KCNAB1: variants seen among roughly 807,000 people sequenced by gnomAD.
KCNAB1 encodes the protein potassium voltage-gated channel subfamily A regulatory beta subunit 1, also known as voltage-gated potassium channel subunit beta-1.
Under a neutral mutation model 64.6 loss-of-function variants are expected in KCNAB1, and 35 were observed. That is an observed-to-expected ratio of 0.54 (90% CI 0.41 to 0.72). KCNAB1 has a LOEUF of 0.72. Ranked by LOEUF, KCNAB1 falls within the 30% of genes least tolerant of loss-of-function variation. The pLI is 0.00. For missense variants in KCNAB1, 401 were observed against 512.9 expected (o/e 0.78, Z 2.11); for synonymous variants, 177 against 183.8 (o/e 0.96, Z 0.30).
chr3:156,143,214 G>A (rs772031286), intron 1 of KCNAB1: 6 of 1,612,988 alleles, frequency 3.7e-6, no homozygotes, highest in African/African-American at 1.3e-5. Context: ...CAGACATCCC[G>A]AGCCCCAAGC....
intron 1 of KCNAB1, among the ~76,000 whole-genome samples, chr3:156,306,560 G>T (rs1430784381): frequency 1.3e-5 from 2 of 152,248 alleles, no homozygotes; most frequent in Non-Finnish European, 2.9e-5. Context: ...TGCAGAAAGT[G>T]TGTTTTCGGT....
At chr3:156,163,911 C>A (rs943096843) in intron 1 of KCNAB1, among the ~76,000 whole-genome samples, 1 of 152,174 alleles carries the variant, frequency 6.6e-6, no homozygotes, top group Non-Finnish European at 1.5e-5. Flanking sequence ...GTGGATACAA[C>A]CTTGATGATC....
intron 8 of KCNAB1, among the ~76,000 whole-genome samples, chr3:156,510,993 T>C (rs1448176594): frequency 6.6e-6 from 1 of 152,218 alleles, no homozygotes; most frequent in Non-Finnish European, 1.5e-5. Context: ...TGAATTTAAA[T>C]ATAATCAATA....
rs1713293846 is a variant in KCNAB1, at chr3:156,120,783, C to T, written c.172C>T (p.Arg58Cys). ...SPSGESQLRARQLALLREVEM... is the reference protein window; with the variant it reads ...SPSGESQLRACQLALLREVEM... ...CTCAGGGGAAAGCCAGCTCAGGGCG[C>T]GTCAACTGGCTCTGCTGCGCGAAGT... The change falls in exon 1 of 14, where the codon CGT becomes TGT. Residue 58 changes from arginine (R) to cysteine (C), a missense_variant. Coordinates refer to ENST00000490337, the MANE Select transcript of KCNAB1 (RefSeq NM_172160.3). 6 of 1,614,116 alleles carry T rather than the reference C, an allele frequency of 3.7e-6. No individual in the cohort carries two copies. In the South Asian group the frequency reaches 5.5e-5, roughly 15 times the overall value.
At chr3:156,269,562 C>G (rs2108489828) in intron 1 of KCNAB1, among the ~76,000 whole-genome samples, 1 of 152,148 alleles carries the variant, frequency 6.6e-6, no homozygotes, top group Middle Eastern at 3.4e-3. Flanking sequence ...TTTTTTTGTT[C>G]TAGATGATCT....
rs369410225 is a variant in KCNAB1, at chr3:156,281,709, C to G, written c.276-139907C>G. On this transcript the variant is annotated intron_variant, in intron 1 of 13. Coordinates refer to ENST00000490337, the MANE Select transcript of KCNAB1 (RefSeq NM_172160.3). ...TTAGTCTTGGGAGAGTGTATGTGTC[C>G]AGGAATTTATCCATTTCTTCTAGAT... 4.6e-5 allele frequency among the ~76,000 whole-genome samples: 7 copies of G among 151,086 alleles called. No individual in the cohort carries two copies. The East Asian group carries it at 9.7e-4, about 21-fold the overall frequency.
chr3:156,315,715 T>C (rs1722231120), intron 1 of KCNAB1, among the ~76,000 whole-genome samples: 1 of 152,206 alleles, frequency 6.6e-6, no homozygotes, highest in Non-Finnish European at 1.5e-5. Flanking sequence ...ATAAAACCAC[T>C]TTATAAAAGT....
chr3:156,463,688 T>C lies in KCNAB1; in HGVS notation c.483-14T>C. ...TATTTACTACTTCTCTGTGTTTGTC[T>C]TTTTGATATACAGGAGGTCCAGTCT... is the stretch of plus-strand genomic sequence containing the variant. On this transcript the variant is annotated splice_polypyrimidine_tract_variant and intron_variant, in intron 5 of 13. Coordinates refer to ENST00000490337, the MANE Select transcript of KCNAB1 (RefSeq NM_172160.3). 1 of 1,591,818 alleles carries C rather than the reference T, an allele frequency of 6.3e-7. No individual in the cohort carries two copies. Among genetic ancestry groups the C allele is most frequent in the Non-Finnish European group, 8.6e-7 (1 of 1,168,344 alleles).
chr3:156,166,519 A>G (rs1465837765), intron 1 of KCNAB1, among the ~76,000 whole-genome samples: 1 of 146,724 alleles, frequency 6.8e-6, no homozygotes, highest in Admixed American at 6.8e-5. Context: ...CAAATTTAAA[A>G]AATACATATA....
At chr3:156,132,415 A>G (rs1413950856) in intron 1 of KCNAB1, among the ~76,000 whole-genome samples, 1 of 152,234 alleles carries the variant, frequency 6.6e-6, no homozygotes, top group Non-Finnish European at 1.5e-5. Context: ...ATCAGCTCTC[A>G]TTTTGAACCT....
chr3:156,518,477 AAAG>A (rs577828907), intron 11 of KCNAB1, among the ~76,000 whole-genome samples: 1 of 152,122 alleles, frequency 6.6e-6, no homozygotes, highest in East Asian at 1.9e-4. Context: ...AAAGAAAAGA[AAAG>A]AAAGAAGGAA....
At chr3:156,425,236 G>A (rs1287555013) in intron 2 of KCNAB1, among the ~76,000 whole-genome samples, 1 of 152,172 alleles carries the variant, frequency 6.6e-6, no homozygotes, top group Non-Finnish European at 1.5e-5. Context: ...TTCTTTTCTT[G>A]AAATACTCTA....
At chr3:156,490,878 G>A (rs543447794) in intron 8 of KCNAB1, among the ~76,000 whole-genome samples, 105 of 151,936 alleles carry the variant, frequency 6.9e-4, no homozygotes, top group Non-Finnish European at 1.1e-3. Context: ...AGAGATTGAC[G>A]CAAAGAAACA....
intron 1 of KCNAB1, among the ~76,000 whole-genome samples, chr3:156,202,335 T>A (rs913035714): frequency 6.6e-6 from 1 of 152,192 alleles, no homozygotes; most frequent in Admixed American, 6.5e-5. Context: ...TCCACAGAAG[T>A]CACTGGGGGC....
intron 2 of KCNAB1, among the ~76,000 whole-genome samples, chr3:156,434,857 A>T (rs1716480356): frequency 6.6e-6 from 1 of 152,128 alleles, no homozygotes; most frequent in Non-Finnish European, 1.5e-5. Flanking sequence ...AATAGAAAGG[A>T]CACCCTTCCA....
At chr3:156,339,379 C>A (rs990653545) in intron 1 of KCNAB1, among the ~76,000 whole-genome samples, 3 of 152,136 alleles carry the variant, frequency 2.0e-5, no homozygotes, top group Non-Finnish European at 4.4e-5. Context: ...CACACACACC[C>A]AAATTTAAGT....
intron 1 of KCNAB1, among the ~76,000 whole-genome samples, chr3:156,352,407 C>T (rs116609650): frequency 0.014 from 2,118 of 152,280 alleles, 18 homozygotes; most frequent in South Asian, 0.031. Context: ...GTGTCACAGC[C>T]GCTCTAAGCA....
chr3:156,453,697 C>G (rs1424734761), intron 3 of KCNAB1, among the ~76,000 whole-genome samples: 2 of 152,168 alleles, frequency 1.3e-5, no homozygotes, highest in African/African-American at 4.8e-5. Flanking sequence ...ACCAAGAACT[C>G]CCCTGAGGGC....
chr3:156,438,321 AGAAGCAAGGGGCAGGT>A lies in KCNAB1; in HGVS notation c.320-14575_320-14560del, dbSNP rs560529782. Among the ~76,000 whole-genome samples, 426 of 152,362 alleles carry A rather than the reference AGAAGCAAGGGGCAGGT, an allele frequency of 2.8e-3. 4 individuals are homozygous for A. Among genetic ancestry groups the A allele is most frequent in the Non-Finnish European group, 4.2e-3 (283 of 68,030 alleles). On this transcript the variant is annotated intron_variant, in intron 2 of 13. Coordinates refer to ENST00000490337, the MANE Select transcript of KCNAB1 (RefSeq NM_172160.3). ...GATGCCACTTTTGATGACCAATGCA[AGAAGCAAGGGGCAGGT>A]GAGGTATTTGTTTTTCACTTAGATT... is the stretch of plus-strand genomic sequence containing the variant.
Sources: gnomAD v4.1 joint callset for allele counts (sites outside exome capture counted in the v4.1 genomes callset) on GRCh38, gnomAD v4.1.1 for gene constraint, MANE v1.5 for transcripts, NCBI Gene and HGNC (gene_info 2026-07-23, HGNC 2026-07-21) for gene names.